The following ZNF813 variants were observed in gnomAD, a reference collection of about 807,000 sequenced individuals.
ZNF813 encodes the protein zinc finger protein 813.
A neutral mutation model predicts 7.2 loss-of-function variants in ZNF813; 3 were observed. That is an observed-to-expected ratio of 0.42 (90% CI 0.19 to 1.08). ZNF813 has a LOEUF of 1.08. Ranked by LOEUF, ZNF813 falls within the 50% of genes least tolerant of loss-of-function variation. ZNF813 has a pLI of 0.30. For synonymous variants in ZNF813, 227 were observed against 256.3 expected (o/e 0.89, Z 1.09); for missense variants, 714 against 753.3 (o/e 0.95, Z 0.61).
chr19:53,495,441 C>T lies in ZNF813; in HGVS notation c.*3355C>T, dbSNP rs998110001. The T allele has an allele frequency of 6.7e-6, 1 of 148,552 alleles. No homozygotes were observed. The highest frequency in any genetic ancestry group is 2.5e-5 in the African/African-American group (1 of 39,648). The allele number at this position is 148,552 out of a possible 1,614,324, so 9.2% of individuals were successfully genotyped here. A position where few individuals can be genotyped will look rare whatever the true frequency, so the allele number is the denominator to read the frequency against. On this transcript the variant is annotated 3_prime_UTR_variant, in exon 4 of 4. Coordinates refer to ENST00000396403, the MANE Select transcript of ZNF813 (RefSeq NM_001004301.4). ...GTTTCACCATGTTGGCAAGGCTGGTCTTGAACTCCTGACCTCACGATCTGC... is the reference window on the plus strand; with the variant it reads ...GTTTCACCATGTTGGCAAGGCTGGTTTTGAACTCCTGACCTCACGATCTGC...
chr19:53,485,557 T>C (rs76231198), intron 2 of ZNF813, among the ~76,000 whole-genome samples: 23,681 of 149,980 alleles, frequency 0.16, 2,282 homozygotes, highest in East Asian at 0.26. Context: ...TATATGTATG[T>C]CATGACATAT....
At chr19:53,471,537 C>G (rs1401141686) in intron 1 of ZNF813, among the ~76,000 whole-genome samples, 2 of 152,048 alleles carry the variant, frequency 1.3e-5, no homozygotes, top group African/African-American at 2.4e-5. Flanking sequence ...AGGCTGGGTG[C>G]GGTGGCTCAC....
Position 53,476,272 on chromosome 19 carries a change from A to G in ZNF813, c.-73-7478A>G, listed in dbSNP as rs200775547. Among the ~76,000 whole-genome samples, 5 of 152,326 alleles carry G rather than the reference A, an allele frequency of 3.3e-5. No homozygotes were observed. The East Asian group carries it at 7.7e-4, about 24-fold the overall frequency. On this transcript the variant is annotated intron_variant, in intron 1 of 3. Coordinates refer to ENST00000396403, the MANE Select transcript of ZNF813 (RefSeq NM_001004301.4). ...AAAAGAAGCTCATCTGCATACTGCAACAAGGTGCAGTTGCTATTTGGCAGG... is the reference window on the plus strand; with the variant it reads ...AAAAGAAGCTCATCTGCATACTGCAGCAAGGTGCAGTTGCTATTTGGCAGG...
intron 1 of ZNF813, among the ~76,000 whole-genome samples, chr19:53,470,177 C>CCTTCCTTCCTTCCTTCCTTCT (rs2086351100): frequency 8.6e-6 from 1 of 116,846 alleles, no homozygotes; most frequent in Non-Finnish European, 1.8e-5. Flanking sequence ...TCTTTTCTTT[C>CCTTCCTTCCTTCCTTCCTTCT]TTTCTTTCTT....
At position 53,495,446 on chromosome 19, in the gene ZNF813, ACTC is replaced by A. The variant is rs145962234; in HGVS notation, c.*3363_*3365del. 16,816 of 150,990 alleles carry A rather than the reference ACTC, an allele frequency of 0.11. 1,032 individuals carry two copies. The highest frequency in any genetic ancestry group is 0.16 in the African/African-American group (6,608 of 41,070). The allele number at this position is 150,990 out of a possible 1,614,324, so 9.4% of individuals were successfully genotyped here. A position where few individuals can be genotyped will look rare whatever the true frequency, so the allele number is the denominator to read the frequency against. Reference sequence around the variant, plus strand: ...ACCATGTTGGCAAGGCTGGTCTTGAACTCCTGACCTCACGATCTGCCCACCTCA... The same window carrying A: ...ACCATGTTGGCAAGGCTGGTCTTGAACTGACCTCACGATCTGCCCACCTCA... On this transcript the variant is annotated 3_prime_UTR_variant, in exon 4 of 4. Transcript: ENST00000396403.
At position 53,485,579 on chromosome 19, in the gene ZNF813, T is replaced by C. The variant is rs556626609; in HGVS notation, c.16-1053T>C. On this transcript the variant is annotated intron_variant, in intron 2 of 3. Coordinates refer to ENST00000396403, the MANE Select transcript of ZNF813 (RefSeq NM_001004301.4). ...ATGTCATGACATATATACATGTATGTCATGACATATGTATGTCATGATATA... is the reference window on the plus strand; with the variant it reads ...ATGTCATGACATATATACATGTATGCCATGACATATGTATGTCATGATATA... 1.2e-4 allele frequency among the ~76,000 whole-genome samples: 14 copies of C among 114,318 alleles called. No homozygotes were observed. In the South Asian group the frequency reaches 1.9e-3, roughly 16 times the overall value. 75.0% of individuals were successfully genotyped at this position (114,318 alleles called of 152,430 possible). A position where few individuals can be genotyped will look rare whatever the true frequency, so the allele number is the denominator to read the frequency against.
At chr19:53,486,986 T>TTATTTA (rs200579525) in intron 3 of ZNF813, among the ~76,000 whole-genome samples, 3 of 43,908 alleles carry the variant, frequency 6.8e-5, no homozygotes, top group African/African-American at 1.8e-4. Context: ...TTTTAGTTTT[T>TTATTTA]TTTTTTTTTT....
chr19:53,483,927 A>C (rs888012901), intron 2 of ZNF813, 90 bp downstream of exon 2: 1 of 1,608,054 alleles, frequency 6.2e-7, no homozygotes, highest in Non-Finnish European at 8.5e-7. Flanking sequence ...AGTCTGAAGC[A>C]TCCTGCCTGA....
intron 2 of ZNF813, among the ~76,000 whole-genome samples, chr19:53,485,587 T>TGTGTGTCATGATATATAC (rs571848662): frequency 0.04 from 5,655 of 139,816 alleles, 162 homozygotes; most frequent in Non-Finnish European, 0.061. Flanking sequence ...TGTCATGACA[T>TGTGTGTCATGATATATAC]ATGTATGTCA....
At chr19:53,485,800 C>A (rs1464751433) in intron 2 of ZNF813, among the ~76,000 whole-genome samples, 1 of 152,186 alleles carries the variant, frequency 6.6e-6, no homozygotes, top group Non-Finnish European at 1.5e-5. Flanking sequence ...CCTCCACCCT[C>A]AGGCTCAAAC....
In ZNF813 at chr19:53,491,178, A is replaced by G. The variant is rs1349537882; in HGVS notation, c.946A>G (p.Arg316Gly). ...TTTCAGTTTCAAATCAAACCTTAAA[A>G]GACATAGGAGAATTCATGCTGGAGA... ...KAFSFKSNLKRHRRIHAGEKP... is the reference protein window; with the variant it reads ...KAFSFKSNLKGHRRIHAGEKP... The change falls in exon 4 of 4, where the codon AGA (arginine) becomes GGA (glycine). Residue 316 changes from arginine to glycine, a missense_variant. By Grantham distance (125) the Arg-to-Gly change is moderately radical (BLOSUM62 -2). Coordinates refer to ENST00000396403, the MANE Select transcript of ZNF813 (RefSeq NM_001004301.4). 3.1e-6 allele frequency: 5 copies of G among 1,613,244 alleles called. No homozygotes were observed. The South Asian group carries it at 5.5e-5, about 18-fold the overall frequency.
In ZNF813 at chr19:53,472,772, C is replaced by G. The variant is rs1310568789; in HGVS notation, c.-74+4983C>G. 5.9e-5 allele frequency among the ~76,000 whole-genome samples: 9 copies of G among 152,020 alleles called. No individual in the cohort carries two copies. In the East Asian group the frequency reaches 1.7e-3, roughly 30 times the overall value. On this transcript the variant is annotated intron_variant, in intron 1 of 3. Transcript: ENST00000396403. ...TGATTACAGGCATGTACCACCATGC[C>G]TGGTTAATTTTGTATTTTTATTCAA...
At chr19:53,485,844 A>T (rs1180923052) in intron 2 of ZNF813, among the ~76,000 whole-genome samples, 1 of 152,094 alleles carries the variant, frequency 6.6e-6, no homozygotes, top group South Asian at 2.1e-4. Context: ...AGTAGCTGGA[A>T]CCACAGGTGC....
At chr19:53,487,457 G>C (rs1204823941) in intron 3 of ZNF813, among the ~76,000 whole-genome samples, 1 of 152,042 alleles carries the variant, frequency 6.6e-6, no homozygotes, top group African/African-American at 2.4e-5. Context: ...CAAGGCTACA[G>C]TTCAGTGGTG....
At chr19:53,469,292 A>G (rs541884977) in intron 1 of ZNF813, among the ~76,000 whole-genome samples, 1 of 152,236 alleles carries the variant, frequency 6.6e-6, no homozygotes, top group African/African-American at 2.4e-5. Context: ...TGCATCCACA[A>G]AGTAACAGTC....
In ZNF813 at chr19:53,492,824, A is replaced by G; in HGVS notation, c.*738A>G. On this transcript the variant is annotated 3_prime_UTR_variant, in exon 4 of 4. Transcript: ENST00000396403. ...CATGATTGAGGCAAGGTCTTCAGTC[A>G]AGCTTCATCCTATGCAAAACATAGG... 2.1e-6 allele frequency: 1 copy of G among 484,004 alleles called. No homozygotes were observed. The highest frequency in any genetic ancestry group is 4.1e-6 in the Non-Finnish European group (1 of 241,062). 30.0% of individuals were successfully genotyped at this position (484,004 alleles called of 1,614,324 possible). A position where few individuals can be genotyped will look rare whatever the true frequency, so the allele number is the denominator to read the frequency against.
chr19:53,490,887 G>A lies in ZNF813; in HGVS notation c.655G>A (p.Glu219Lys). 6.2e-7 allele frequency: 1 copy of A among 1,614,156 alleles called. No homozygotes were observed. Among genetic ancestry groups the A allele is most frequent in the Non-Finnish European group, 8.5e-7 (1 of 1,179,982 alleles). The change falls in exon 4 of 4, where the codon GAG becomes AAG. Residue 219 changes from glutamate to lysine, a missense_variant. Coordinates refer to ENST00000396403, the MANE Select transcript of ZNF813 (RefSeq NM_001004301.4). Reference sequence around the variant, plus strand: ...GAGAGAAAAGTCTTTCCAATGTAATGAGAGTGGCAAAGCCTTTAATTATAG... The same window carrying A: ...GAGAGAAAAGTCTTTCCAATGTAATAAGAGTGGCAAAGCCTTTAATTATAG... ...HMREKSFQCN[E>K]SGKAFNYSSL...
At position 53,490,379 on chromosome 19, in the gene ZNF813, C is replaced by T. The variant is rs757503874; in HGVS notation, c.147C>T (p.Ile49=). The change falls in exon 4 of 4, where the codon ATC becomes ATT. Residue 49 remains isoleucine (I), a synonymous_variant. Transcript: ENST00000396403. The stretch of plus-strand genomic sequence containing the variant: ...ATTCGTGTTTATATTTTGTAGATAT[C>T]TCTTCCAAATGCATGATGAAGGAGT... ...ENYRNLVSLD[I]SSKCMMKEFS... 1.2e-6 allele frequency: 2 copies of T among 1,613,924 alleles called. No individual in the cohort carries two copies. The highest frequency in any genetic ancestry group is 3.3e-5 in the Admixed American group (2 of 59,986).
In ZNF813 at chr19:53,486,729, T is replaced by C. The variant is rs755059794; in HGVS notation, c.113T>C (p.Leu38Pro). The part of the protein sequence containing the change: ...AQRTLYRDVM[L>P]ENYRNLVSLD... ...AGGACTCTATACAGGGACGTGATGCTGGAGAATTATAGGAACCTGGTCTCC... is the reference window on the plus strand; with the variant it reads ...AGGACTCTATACAGGGACGTGATGCCGGAGAATTATAGGAACCTGGTCTCC... The change falls in exon 3 of 4, where the codon CTG becomes CCG. Residue 38 changes from leucine to proline, a missense_variant. Around this residue, in one of 3 missense-constraint regions of ZNF813, gnomAD observed 29 missense variants for 52.3 expected, o/e 0.55. Transcript: ENST00000396403. 1.2e-6 allele frequency: 2 copies of C among 1,614,050 alleles called. No homozygotes were observed. Among genetic ancestry groups the C allele is most frequent in the Non-Finnish European group, 1.7e-6 (2 of 1,179,930 alleles).
Sources: gnomAD v4.1 joint callset for allele counts (sites outside exome capture counted in the v4.1 genomes callset) on GRCh38, gnomAD v4.1.1 for gene constraint, gnomAD v4.1.1 regional missense constraint, MANE v1.5 for transcripts, NCBI Gene and HGNC (gene_info 2026-07-23, HGNC 2026-07-21) for gene names.